Variants in CTNNA2 observed in about 807,000 individuals in gnomAD.
CTNNA2 encodes catenin alpha 2, also known as catenin alpha-2.
A neutral mutation model predicts 101.0 loss-of-function variants in CTNNA2; 42 were observed. The observed-to-expected ratio is 0.42, with a 90% CI of 0.32 to 0.54. The LOEUF is 0.54. CTNNA2 is among the 20% of genes least tolerant of loss of function. CTNNA2 has a pLI of 0.14. For synonymous variants in CTNNA2, 450 were observed against 456.4 expected (o/e 0.99, Z 0.18); for missense variants, 871 against 1,223.1 (o/e 0.71, Z 4.29).
chr2:80,642,538 T>C (rs1256910586), intron 18 of CTNNA2, among the ~76,000 whole-genome samples: 1 of 151,520 alleles, frequency 6.6e-6, no homozygotes, highest in Admixed American at 6.6e-5. Context: ...AATGTAGGGA[T>C]AGACTGGAGG....
chr2:80,206,999 C>T (rs1299564639), intron 7 of CTNNA2, among the ~76,000 whole-genome samples: 1 of 152,102 alleles, frequency 6.6e-6, no homozygotes, highest in African/African-American at 2.4e-5. Flanking sequence ...GTGGGCATCT[C>T]AATATCTGAT....
chr2:79,250,814 T>C (rs943094911), intron 2 of CTNNA2, among the ~76,000 whole-genome samples: 4 of 152,332 alleles, frequency 2.6e-5, no homozygotes, highest in South Asian at 4.1e-4. Context: ...TCATGGTTTC[T>C]TCTGCTCTGT....
Position 80,303,195 on chromosome 2 carries a change from A to T in CTNNA2, c.1057-90016A>T. The T allele has an allele frequency of 6.2e-7, 1 of 1,613,896 alleles. No individual in the cohort carries two copies. The highest frequency in any genetic ancestry group is 1.1e-5 in the South Asian group (1 of 91,074). ...TCGAGGTGCAGCTCGGTGAGCTTAA[A>T]CAAGCCGGCGAAAGAGTTGCGCGCC... On this transcript the variant is annotated intron_variant, in intron 7 of 18. Transcript: ENST00000402739. This position sits in a 1 kb window ranked among gnomAD's most constrained non-coding sequence, Gnocchi z 7.7.
At chr2:79,703,279 T>C (rs1199214180) in intron 2 of CTNNA2, among the ~76,000 whole-genome samples, 1 of 152,248 alleles carries the variant, frequency 6.6e-6, no homozygotes, top group Non-Finnish European at 1.5e-5. Context: ...AAAAATCTAT[T>C]ACTTGACATT....
At chr2:80,200,915 G>A (rs1215262843) in intron 7 of CTNNA2, among the ~76,000 whole-genome samples, 4 of 151,616 alleles carry the variant, frequency 2.6e-5, no homozygotes, top group Non-Finnish European at 5.9e-5. Context: ...TGGGATCCAT[G>A]ATACCTGAGG....
chr2:80,417,010 G>A (rs1052087336), intron 8 of CTNNA2, among the ~76,000 whole-genome samples: 79 of 151,914 alleles, frequency 5.2e-4, no homozygotes, highest in African/African-American at 1.7e-3. Flanking sequence ...CTGAAATGCA[G>A]TTTTTTCCCC....
At chr2:80,241,201 G>A (rs777977026) in intron 7 of CTNNA2, among the ~76,000 whole-genome samples, 2 of 151,122 alleles carry the variant, frequency 1.3e-5, no homozygotes, top group African/African-American at 2.5e-5. Context: ...CACTGCAAAT[G>A]TGATTGATTT....
At chr2:79,706,311 C>T (rs1237384323) in intron 2 of CTNNA2, among the ~76,000 whole-genome samples, 2 of 140,468 alleles carry the variant, frequency 1.4e-5, no homozygotes, top group Admixed American at 8.0e-5. Flanking sequence ...TGCAGTGAGC[C>T]GAGATCACGC....
chr2:80,279,044 T>C (rs1674146010), intron 7 of CTNNA2, among the ~76,000 whole-genome samples: 2 of 54,868 alleles, frequency 3.6e-5, no homozygotes, highest in East Asian at 1.1e-3. Flanking sequence ...CATTAATGAC[T>C]TTTACGTGTG....
chr2:80,094,051 T>A (rs1321659557), intron 7 of CTNNA2, among the ~76,000 whole-genome samples: 5 of 152,214 alleles, frequency 3.3e-5, no homozygotes. Context: ...TGCCATTGCT[T>A]TTGGTGTTTT....
At chr2:80,386,622 G>A (rs1385476956) in intron 7 of CTNNA2, among the ~76,000 whole-genome samples, 1 of 152,172 alleles carries the variant, frequency 6.6e-6, no homozygotes, top group African/African-American at 2.4e-5. Flanking sequence ...ACAGCAAAAT[G>A]TGTTGGAGAT....
intron 9 of CTNNA2, among the ~76,000 whole-genome samples, chr2:80,506,527 A>G (rs986107610): frequency 6.6e-6 from 1 of 152,140 alleles, no homozygotes; most frequent in African/African-American, 2.4e-5. Flanking sequence ...AAAGGAATTT[A>G]AATTGGGCAG....
intron 7 of CTNNA2, among the ~76,000 whole-genome samples, chr2:80,035,879 C>A (rs1695614285): frequency 6.6e-6 from 1 of 152,124 alleles, no homozygotes; most frequent in Non-Finnish European, 1.5e-5. Flanking sequence ...TGGGTAGCAA[C>A]CAGCATGGTA....
chr2:79,729,627 G>T (rs948706104), intron 2 of CTNNA2, among the ~76,000 whole-genome samples: 1 of 151,996 alleles, frequency 6.6e-6, no homozygotes, highest in Admixed American at 6.6e-5. Context: ...CCAAATAAAG[G>T]TTCACAAGAA....
intron 1 of CTNNA2, among the ~76,000 whole-genome samples, chr2:79,526,481 T>C (rs902991276): frequency 1.3e-5 from 2 of 151,996 alleles, no homozygotes; most frequent in Non-Finnish European, 2.9e-5. Context: ...ATTGCTATGC[T>C]CATTCTAAAA....
intron 9 of CTNNA2, among the ~76,000 whole-genome samples, chr2:80,543,496 A>G (rs1286158970): frequency 6.6e-6 from 1 of 152,208 alleles, no homozygotes; most frequent in Non-Finnish European, 1.5e-5. Context: ...TTCTCACTGA[A>G]ATAGCTATAA....
chr2:79,382,421 G>A (rs180901917), intron 4 of CTNNA2, among the ~76,000 whole-genome samples: 37 of 152,016 alleles, frequency 2.4e-4, no homozygotes, highest in African/African-American at 8.4e-4. Context: ...TATACATCTT[G>A]TTTGTTCTGT....
chr2:80,170,189 G>GTC (rs773434399), intron 7 of CTNNA2, among the ~76,000 whole-genome samples: 252 of 147,626 alleles, frequency 1.7e-3, no homozygotes, highest in Non-Finnish European at 2.8e-3. Flanking sequence ...CTGCCTGCTT[G>GTC]TCTCTCTCTC....
At chr2:80,344,493 C>T (rs1672539057) in intron 7 of CTNNA2, among the ~76,000 whole-genome samples, 1 of 152,084 alleles carries the variant, frequency 6.6e-6, no homozygotes, top group Admixed American at 6.6e-5. Flanking sequence ...TCTTAACATT[C>T]CCAAATGTCT....
Sources: gnomAD v4.1 joint callset for allele counts (sites outside exome capture counted in the v4.1 genomes callset) on GRCh38, gnomAD v4.1.1 for gene constraint, Gnocchi (gnomAD v3.1) non-coding constraint, MANE v1.5 for transcripts, NCBI Gene and HGNC (gene_info 2026-07-23, HGNC 2026-07-21) for gene names.